The following SLC37A1 variants were observed in gnomAD, a reference collection of about 807,000 sequenced individuals.
SLC37A1 encodes the protein solute carrier family 37 member 1, also known as glucose-6-phosphate exchanger SLC37A1.
Under a neutral mutation model 75.3 loss-of-function variants are expected in SLC37A1, and 49 were observed. The observed-to-expected ratio is 0.65, with a 90% CI of 0.52 to 0.83. The LOEUF (loss-of-function observed/expected upper bound fraction) is 0.83. Ranked by LOEUF, SLC37A1 falls within the 40% of genes least tolerant of loss-of-function variation. The pLI, the probability that SLC37A1 is intolerant of heterozygous loss-of-function variation, is 0.00. For synonymous variants in SLC37A1, 268 were observed against 292.1 expected (o/e 0.92, Z 0.84); for missense variants, 566 against 695.0 (o/e 0.81, Z 2.09).
At chr21:42,574,753 G>A (rs771261500) in intron 17 of SLC37A1, 65 bp from the exon 18 acceptor site, 3 of 1,516,176 alleles carry the variant, frequency 2.0e-6, no homozygotes, top group Non-Finnish European at 2.7e-6. Flanking sequence ...ATTCTCTGTG[G>A]CTGCTAGTTA....
At chr21:42,517,595 G>A (rs1050497908) in intron 1 of SLC37A1, among the ~76,000 whole-genome samples, 1 of 152,198 alleles carries the variant, frequency 6.6e-6, no homozygotes, top group Admixed American at 6.5e-5. Flanking sequence ...TTGACATTGG[G>A]ATGGGAGACC....
Position 42,581,327 on chromosome 21 carries a change from T to TA in SLC37A1, c.*967_*968insA. The stretch of plus-strand genomic sequence containing the variant: ...AGAGACATAAATGGCATTTTGTTAT[T>TA]TATTAAGACAAACTCCAATTGTTCT... On this transcript the variant is annotated 3_prime_UTR_variant, in exon 20 of 20. Transcript: ENST00000352133. The TA allele has an allele frequency of 6.8e-6, 1 of 147,772 alleles. No homozygotes were observed. Among genetic ancestry groups the TA allele is most frequent in the East Asian group, 1.9e-4 (1 of 5,204 alleles). 9.2% of individuals were successfully genotyped at this position (147,772 alleles called of 1,614,324 possible). A position where few individuals can be genotyped will look rare whatever the true frequency, so the allele number is the denominator to read the frequency against.
At chr21:42,525,057 G>A (rs554231914) in intron 2 of SLC37A1, among the ~76,000 whole-genome samples, 119 of 152,340 alleles carry the variant, frequency 7.8e-4, no homozygotes, top group African/African-American at 2.6e-3. Context: ...CTCCCTCAAC[G>A]ACAGCGTTTG....
rs376972930 is a variant in SLC37A1 at position 42,539,664 on chromosome 21, G to A, written c.486+17G>A. The A allele has an allele frequency of 2.2e-4, 348 of 1,605,818 alleles. 6 individuals are homozygous for A. In the South Asian group the frequency reaches 2.9e-3, roughly 13 times the overall value. ...GTAACTCAGGTAAGGGTTTGGATCC[G>A]TGGCTCACCATGTACGGGGTTTCCT... On this transcript the variant is annotated intron_variant, in intron 6 of 19. Transcript: ENST00000352133.
chr21:42,551,156 GA>G (rs2055547456), intron 9 of SLC37A1, among the ~76,000 whole-genome samples: 1 of 152,206 alleles, frequency 6.6e-6, no homozygotes, highest in Admixed American at 6.5e-5. Context: ...CTTTTATACA[GA>G]AAATCATAAG....
upstream of SLC37A1, among the ~76,000 whole-genome samples, chr21:42,511,856 GA>G (rs1416829508): frequency 6.6e-6 from 1 of 152,090 alleles, no homozygotes; most frequent in African/African-American, 2.4e-5. Flanking sequence ...TTTGGAATCT[GA>G]AAAACTTGAA....
rs115750732 is a variant in SLC37A1 at position 42,516,983 on chromosome 21, G to C, written c.-178-1294G>C. Among the ~76,000 whole-genome samples the C allele has an allele frequency of 8.0e-3, 1,221 of 152,316 alleles. 17 individuals carry two copies. The highest frequency in any genetic ancestry group is 0.028 in the African/African-American group (1,159 of 41,564). On this transcript the variant is annotated intron_variant, in intron 1 of 19. Transcript: ENST00000352133. ...AAATCTAGAGGTTTGAGCAGACGTGGTTTTGAAGTATTTGTGGCTGTTCAT... is the reference window on the plus strand; with the variant it reads ...AAATCTAGAGGTTTGAGCAGACGTGCTTTTGAAGTATTTGTGGCTGTTCAT...
At chr21:42,534,917 C>T (rs180717118) in intron 4 of SLC37A1, 87 bp downstream of exon 4, 1 of 1,475,364 alleles carries the variant, frequency 6.8e-7, no homozygotes. Context: ...TAATGCTGTT[C>T]CCAGATGTAA....
intron 5 of SLC37A1, 139 bp from the exon 6 acceptor site, chr21:42,539,373 C>T (rs1224145062): frequency 9.5e-7 from 1 of 1,051,978 alleles, no homozygotes; most frequent in African/African-American, 1.6e-5. Flanking sequence ...TGTATGAAAT[C>T]TTCCTGGAAA....
intron 6 of SLC37A1, among the ~76,000 whole-genome samples, chr21:42,541,147 C>T (rs554024375): frequency 1.5e-3 from 234 of 152,294 alleles, no homozygotes; most frequent in African/African-American, 5.5e-3. Flanking sequence ...CAACCTGGAT[C>T]CCTCACATGT....
At chr21:42,539,451 AG>A in intron 5 of SLC37A1, 60 bp from the exon 6 acceptor site, 1 of 1,545,456 alleles carries the variant, frequency 6.5e-7, no homozygotes, top group Non-Finnish European at 8.8e-7. Context: ...AACAGCCACG[AG>A]GTTGCTAACA....
chr21:42,569,789 C>G (rs1225946888), intron 17 of SLC37A1, among the ~76,000 whole-genome samples: 4 of 152,248 alleles, frequency 2.6e-5, no homozygotes, highest in Non-Finnish European at 5.9e-5. Flanking sequence ...TTGCCTGATT[C>G]TTTGCTGTAT....
intron 9 of SLC37A1, among the ~76,000 whole-genome samples, chr21:42,551,083 G>A (rs1381240899): frequency 6.6e-6 from 1 of 152,180 alleles, no homozygotes; most frequent in Non-Finnish European, 1.5e-5. Context: ...GGCAAGAAAA[G>A]GATATAAACG....
At chr21:42,505,518 C>G (rs969565897) in intron 2 of SLC37A1, among the ~76,000 whole-genome samples, 2 of 152,094 alleles carry the variant, frequency 1.3e-5, no homozygotes, top group Non-Finnish European at 2.9e-5. Context: ...GGTGGGTAGC[C>G]CCTGAAGTAA....
chr21:42,506,876 A>G (rs1443386793), intron 2 of SLC37A1, among the ~76,000 whole-genome samples: 1 of 152,152 alleles, frequency 6.6e-6, no homozygotes, highest in Admixed American at 6.5e-5. Context: ...TATCATATTC[A>G]ATAAGTTGCT....
intron 2 of SLC37A1, among the ~76,000 whole-genome samples, chr21:42,507,709 C>T (rs1268640806): frequency 1.3e-5 from 2 of 152,236 alleles, no homozygotes; most frequent in East Asian, 3.9e-4. Context: ...TGGAGCAGGC[C>T]TCACATAGTG....
intron 13 of SLC37A1, among the ~76,000 whole-genome samples, chr21:42,564,399 CAAAA>C (rs1368171308): frequency 1.3e-5 from 2 of 151,796 alleles, no homozygotes; most frequent in East Asian, 1.9e-4. Context: ...AAAACTAAAA[CAAAA>C]AAAGCAGCAG....
At chr21:42,564,819 C>T (rs1296531417) in intron 14 of SLC37A1, 26 bp downstream of exon 14, 1 of 1,597,166 alleles carries the variant, frequency 6.3e-7, no homozygotes, top group Non-Finnish European at 8.5e-7. Context: ...TTCCCTGGGC[C>T]CCAAAGCCTG....
chr21:42,506,111 G>A (rs930574256), intron 2 of SLC37A1, among the ~76,000 whole-genome samples: 7 of 152,176 alleles, frequency 4.6e-5, no homozygotes, highest in African/African-American at 9.7e-5. Flanking sequence ...CGCAGGCCTC[G>A]TTCAATGTTG....
Sources: allele counts gnomAD v4.1 joint callset (sites outside exome capture counted in the v4.1 genomes callset), GRCh38; gene constraint gnomAD v4.1.1; transcripts MANE v1.5; gene names NCBI Gene and HGNC (gene_info 2026-07-23, HGNC 2026-07-21).